RBFOX1: variants seen among roughly 807,000 people sequenced by gnomAD.
RBFOX1 encodes RNA binding fox-1 homolog 1, also known as RNA binding protein fox-1 homolog 1.
Under a neutral mutation model 57.7 loss-of-function variants are expected in RBFOX1, and 8 were observed. The ratio of observed to expected loss-of-function variants is 0.14; its 90% confidence interval spans 0.08 to 0.25. The LOEUF is 0.25. Ranked by LOEUF, RBFOX1 falls within the 10% of genes least tolerant of loss-of-function variation. The pLI is 1.00. For synonymous variants in RBFOX1, 326 were observed against 222.4 expected, an observed-to-expected ratio of 1.47 and a Z score of -4.15; for missense variants, 611 against 548.5, an observed-to-expected ratio of 1.11 and a Z score of -1.14.
At chr16:7,191,684 C>T (rs571622529) in intron 4 of RBFOX1, among the ~76,000 whole-genome samples, 2 of 152,256 alleles carry the variant, frequency 1.3e-5, no homozygotes, top group East Asian at 1.9e-4. Flanking sequence ...GGCATGCTCA[C>T]GATTAAATAC....
intron 5 of RBFOX1, among the ~76,000 whole-genome samples, chr16:7,559,950 T>C (rs1034815252): frequency 5.3e-5 from 8 of 152,234 alleles, no homozygotes; most frequent in African/African-American, 1.9e-4. Context: ...ATTGCCTCCC[T>C]AAGGTATAGA....
chr16:6,252,392 C>T (rs1183434062), intron 1 of RBFOX1, among the ~76,000 whole-genome samples: 1 of 152,010 alleles, frequency 6.6e-6, no homozygotes, highest in Non-Finnish European at 1.5e-5. Context: ...GCAGAAAATT[C>T]AATTAAAAAC....
intron 1 of RBFOX1, among the ~76,000 whole-genome samples, chr16:6,054,014 A>G (rs899851316): frequency 1.3e-5 from 2 of 152,118 alleles, no homozygotes; most frequent in African/African-American, 4.8e-5. Flanking sequence ...GTGCCACTGT[A>G]CTCCAGCCTG....
chr16:7,273,416 C>G (rs917868055), intron 4 of RBFOX1, among the ~76,000 whole-genome samples: 3 of 152,042 alleles, frequency 2.0e-5, no homozygotes, highest in Non-Finnish European at 4.4e-5. Context: ...GCCTTTCTAG[C>G]TTCTAATCTA....
chr16:6,330,439 C>G (rs1237552103), intron 2 of RBFOX1, among the ~76,000 whole-genome samples: 1 of 152,168 alleles, frequency 6.6e-6, no homozygotes, highest in Non-Finnish European at 1.5e-5. Context: ...CTAGTCCCCA[C>G]TATGAAGGCT....
chr16:5,673,026 G>A (rs1218586712), intron 3 of RBFOX1, among the ~76,000 whole-genome samples: 1 of 152,116 alleles, frequency 6.6e-6, no homozygotes, highest in Non-Finnish European at 1.5e-5. Flanking sequence ...CCACTCTGGG[G>A]TGGGTGAGAT....
chr16:6,348,548 A>G (rs1296233776), intron 2 of RBFOX1, among the ~76,000 whole-genome samples: 1 of 152,132 alleles, frequency 6.6e-6, no homozygotes, highest in Non-Finnish European at 1.5e-5. Flanking sequence ...AATGAGCATT[A>G]ATTGGATCAT....
intron 4 of RBFOX1, among the ~76,000 whole-genome samples, chr16:7,309,975 T>G (rs2096272349): frequency 6.6e-6 from 1 of 152,172 alleles, no homozygotes; most frequent in African/African-American, 2.4e-5. Flanking sequence ...CAATAAAGTT[T>G]CCTATTGCCG....
chr16:6,359,646 C>T (rs1466975155), intron 2 of RBFOX1, among the ~76,000 whole-genome samples: 1 of 152,194 alleles, frequency 6.6e-6, no homozygotes, highest in Non-Finnish European at 1.5e-5. Flanking sequence ...TCCTGCAATG[C>T]TTTATTCCTA....
intron 3 of RBFOX1, among the ~76,000 whole-genome samples, chr16:5,760,350 CT>C: frequency 6.6e-6 from 1 of 151,436 alleles, no homozygotes; most frequent in African/African-American, 2.4e-5. Context: ...AAGATAAGTA[CT>C]CAGCAATTTC....
intron 4 of RBFOX1, among the ~76,000 whole-genome samples, chr16:7,389,913 T>G (rs962433336): frequency 6.6e-6 from 1 of 152,216 alleles, no homozygotes; most frequent in African/African-American, 2.4e-5. Context: ...ATTCTCATAC[T>G]GTTATAAAGA....
rs549296365 is a variant in RBFOX1, at chr16:6,505,517, C to T, written c.-63-149086C>T. 2.6e-5 allele frequency among the ~76,000 whole-genome samples: 4 copies of T among 152,198 alleles called. No homozygotes were observed. The South Asian group carries it at 8.3e-4, about 32-fold the overall frequency. On this transcript the variant is annotated intron_variant, in intron 2 of 15. Coordinates refer to ENST00000550418, the MANE Select transcript of RBFOX1 (RefSeq NM_018723.4). ...TATTCTCGAATGCAGTTTTTAGACA[C>T]ACGTTTACTCTGTGTATTCTCACCG...
chr16:5,951,241 A>G (rs1339433993), intron 4 of RBFOX1, among the ~76,000 whole-genome samples: 2 of 152,142 alleles, frequency 1.3e-5, no homozygotes, highest in African/African-American at 4.8e-5. Flanking sequence ...TGAGATCAGG[A>G]GTTTGAGACC....
intron 3 of RBFOX1, among the ~76,000 whole-genome samples, chr16:7,041,966 C>T (rs141069609): frequency 1.3e-5 from 2 of 152,160 alleles, no homozygotes; most frequent in Admixed American, 6.5e-5. Context: ...TATAATATGG[C>T]TAACGTTACT....
chr16:7,620,875 C>T lies in RBFOX1; in HGVS notation c.677-9728C>T, dbSNP rs189884266. ...CCTCTTGGGTTTGATAAGAAAAAGA[C>T]GTGCATGTGGAGTACATCTTGTATA... On this transcript the variant is annotated intron_variant, in intron 10 of 15. Coordinates refer to ENST00000550418, the MANE Select transcript of RBFOX1 (RefSeq NM_018723.4). 2.6e-3 allele frequency among the ~76,000 whole-genome samples: 398 copies of T among 152,204 alleles called. 1 individual carries two copies. Among genetic ancestry groups the T allele is most frequent in the African/African-American group, 9.2e-3 (381 of 41,532 alleles).
intron 1 of RBFOX1, among the ~76,000 whole-genome samples, chr16:5,309,834 C>T (rs1285112038): frequency 6.6e-6 from 1 of 152,164 alleles, no homozygotes; most frequent in African/African-American, 2.4e-5. Flanking sequence ...GTTCATCTGA[C>T]CCTCAAAGAC....
intron 4 of RBFOX1, among the ~76,000 whole-genome samples, chr16:7,491,416 T>A (rs1315041861): frequency 3.0e-5 from 3 of 99,950 alleles, no homozygotes; most frequent in Non-Finnish European, 7.3e-5. Context: ...GACTCCATTG[T>A]GAGCAGAAGC....
chr16:6,281,256 C>T (rs1254024594), intron 1 of RBFOX1, among the ~76,000 whole-genome samples: 4 of 152,144 alleles, frequency 2.6e-5, no homozygotes, highest in East Asian at 2.0e-4. Context: ...TGTGATCCCA[C>T]GGAATTGTCA....
chr16:7,178,032 C>T (rs1168259100), intron 4 of RBFOX1, among the ~76,000 whole-genome samples: 1 of 152,192 alleles, frequency 6.6e-6, no homozygotes, highest in Non-Finnish European at 1.5e-5. Flanking sequence ...AAAGGCCAGC[C>T]ATGTACACTT....
Sources: allele counts gnomAD v4.1 joint callset (sites outside exome capture counted in the v4.1 genomes callset), GRCh38; gene constraint gnomAD v4.1.1; transcripts MANE v1.5; gene names NCBI Gene and HGNC (gene_info 2026-07-23, HGNC 2026-07-21).